The following RAP1A variants were observed in gnomAD, a reference collection of about 807,000 sequenced individuals.
RAP1A encodes ras-related protein Rap-1A.
RAP1A carries 6 observed loss-of-function variants against 26.4 expected under a neutral mutation model. The ratio of observed to expected loss-of-function variants is 0.23; its 90% confidence interval spans 0.12 to 0.45. The LOEUF (loss-of-function observed/expected upper bound fraction) is 0.45. Among genes scored for constraint, RAP1A ranks in the 20% least tolerant of loss-of-function variants. The pLI is 0.99. For missense variants in RAP1A, 121 were observed against 217.2 expected, an observed-to-expected ratio of 0.56 and a Z score of 2.78; for synonymous variants, 73 against 79.4, an observed-to-expected ratio of 0.92 and a Z score of 0.43.
chr1:111,685,236 A>T (rs906601673), intron 1 of RAP1A, among the ~76,000 whole-genome samples: 1 of 152,168 alleles, frequency 6.6e-6, no homozygotes, highest in African/African-American at 2.4e-5. Context: ...TGGCTAAAAC[A>T]CCAAAAGCAA....
intron 1 of RAP1A, among the ~76,000 whole-genome samples, chr1:111,670,153 T>C (rs879873325): frequency 3.3e-5 from 5 of 152,026 alleles, no homozygotes; most frequent in Non-Finnish European, 7.4e-5. Flanking sequence ...TGACCCCTAA[T>C]GGAGGATCTG....
intron 1 of RAP1A, among the ~76,000 whole-genome samples, chr1:111,567,089 G>T (rs552886011): frequency 6.6e-6 from 1 of 152,122 alleles, no homozygotes; most frequent in Admixed American, 6.6e-5. Context: ...CAGGACATAG[G>T]GATATAAACA....
chr1:111,589,117 T>C (rs1658428431), intron 1 of RAP1A, among the ~76,000 whole-genome samples: 1 of 152,246 alleles, frequency 6.6e-6, no homozygotes, highest in Non-Finnish European at 1.5e-5. Flanking sequence ...GGTGTCTTGA[T>C]GATATTTTAA....
chr1:111,650,552 A>G (rs1319429456), intron 1 of RAP1A: 2 of 152,192 alleles, frequency 1.3e-5, no homozygotes, highest in African/African-American at 4.8e-5. Flanking sequence ...TAATTTTTTT[A>G]GAGCAGTTTT....
At chr1:111,663,127 T>C (rs578180039) in intron 1 of RAP1A, among the ~76,000 whole-genome samples, 4 of 152,054 alleles carry the variant, frequency 2.6e-5, no homozygotes, top group Non-Finnish European at 5.9e-5. Flanking sequence ...TTGGCCAGGA[T>C]GGTCTTGATC....
chr1:111,550,537 T>C (rs1657218559), intron 1 of RAP1A, among the ~76,000 whole-genome samples: 1 of 152,232 alleles, frequency 6.6e-6, no homozygotes, highest in African/African-American at 2.4e-5. Context: ...TGTTATGTTT[T>C]CATTTCTATT....
At chr1:111,591,574 T>G (rs1453341717) in intron 1 of RAP1A, among the ~76,000 whole-genome samples, 1 of 152,226 alleles carries the variant, frequency 6.6e-6, no homozygotes, top group Admixed American at 6.5e-5. Flanking sequence ...TAATCACAAT[T>G]GATTTATTCC....
chr1:111,567,114 CAT>C (rs899777780), intron 1 of RAP1A, among the ~76,000 whole-genome samples: 17 of 152,082 alleles, frequency 1.1e-4, no homozygotes, highest in African/African-American at 3.9e-4. Flanking sequence ...TAAGAACAGA[CAT>C]AGGCCCCGCC....
intron 1 of RAP1A, among the ~76,000 whole-genome samples, chr1:111,662,199 T>G (rs1444017022): frequency 6.6e-6 from 1 of 151,816 alleles, no homozygotes; most frequent in Non-Finnish European, 1.5e-5. Flanking sequence ...ATTGAGACCA[T>G]CCTGGCTAAC....
chr1:111,628,025 A>G (rs1164381655), intron 1 of RAP1A, among the ~76,000 whole-genome samples: 3 of 152,036 alleles, frequency 2.0e-5, no homozygotes, highest in Non-Finnish European at 4.4e-5. Context: ...TACTAAGTAC[A>G]TGATTGGAGG....
chr1:111,697,579 A>G (rs546166323), intron 4 of RAP1A, 82 bp downstream of exon 4: 1 of 1,578,664 alleles, frequency 6.3e-7, no homozygotes, highest in South Asian at 1.2e-5. Context: ...CATCCAGATA[A>G]TTCTGAGTAA....
rs537524212 is a variant in RAP1A at position 111,650,348 on chromosome 1, A to G, written c.-28+30414A>G. 58 of 152,276 alleles carry G rather than the reference A, an allele frequency of 3.8e-4. 1 individual carries two copies. Among genetic ancestry groups the G allele is most frequent in the Admixed American group, 8.5e-4 (13 of 15,294 alleles). 9.4% of individuals were successfully genotyped at this position (152,276 alleles called of 1,614,324 possible). ...TCTATATGATTTACTTATAATTTCTAAAATATAAAATTCAAATTGTTGAAT... is the reference window on the plus strand; with the variant it reads ...TCTATATGATTTACTTATAATTTCTGAAATATAAAATTCAAATTGTTGAAT... On this transcript the variant is annotated intron_variant, in intron 1 of 7. Transcript: ENST00000369709.
upstream of RAP1A, among the ~76,000 whole-genome samples, chr1:111,619,357 C>A (rs1224183228): frequency 6.6e-6 from 1 of 152,172 alleles, no homozygotes; most frequent in Non-Finnish European, 1.5e-5. Flanking sequence ...CAATTTTTGT[C>A]ACTTGTTTGT....
chr1:111,625,922 G>A (rs1190564074), intron 1 of RAP1A, among the ~76,000 whole-genome samples: 1 of 152,016 alleles, frequency 6.6e-6, no homozygotes, highest in African/African-American at 2.4e-5. Flanking sequence ...GACTACAGGC[G>A]TGTGCCACCA....
intron 1 of RAP1A, among the ~76,000 whole-genome samples, chr1:111,661,660 G>A (rs1029706755): frequency 1.3e-5 from 2 of 151,936 alleles, no homozygotes; most frequent in African/African-American, 2.4e-5. Flanking sequence ...TTAGCCGGGC[G>A]TGGTGGCGCA....
intron 4 of RAP1A, 105 bp downstream of exon 4, chr1:111,697,602 T>G: frequency 6.5e-7 from 1 of 1,540,450 alleles, no homozygotes; most frequent in Non-Finnish European, 8.7e-7. Context: ...GTAATCATTC[T>G]GATTAAGAAG....
intron 1 of RAP1A, among the ~76,000 whole-genome samples, chr1:111,589,804 TAGTTCACTGAACTAGA>T (rs759585625): frequency 5.3e-5 from 8 of 152,186 alleles, no homozygotes; most frequent in Non-Finnish European, 8.8e-5. Context: ...CTTGAACTCC[TAGTTCACTGAACTAGA>T]AGTTCACTTG....
intron 1 of RAP1A, among the ~76,000 whole-genome samples, chr1:111,606,706 T>C (rs1042045607): frequency 6.6e-6 from 1 of 152,224 alleles, no homozygotes; most frequent in African/African-American, 2.4e-5. Context: ...ATTACCCTGA[T>C]GTGTAATAAA....
intron 1 of RAP1A, among the ~76,000 whole-genome samples, chr1:111,561,187 G>A (rs1170023253): frequency 3.9e-5 from 6 of 152,192 alleles, no homozygotes; most frequent in Admixed American, 3.9e-4. Flanking sequence ...GCAGTGGCAC[G>A]ATTGTGGCTC....
Sources: gnomAD v4.1 joint callset for allele counts (sites outside exome capture counted in the v4.1 genomes callset) on GRCh38, gnomAD v4.1.1 for gene constraint, MANE v1.5 for transcripts, NCBI Gene and HGNC (gene_info 2026-07-23, HGNC 2026-07-21) for gene names.